The following NCOA1 variants were observed in gnomAD, a reference collection of about 807,000 sequenced individuals.
NCOA1 encodes Hin-2 protein.
NCOA1 carries 35 observed loss-of-function variants against 150.9 expected under a neutral mutation model. That is an observed-to-expected ratio of 0.23 (90% CI 0.18 to 0.31). The LOEUF is 0.31. NCOA1 is among the 10% of genes least tolerant of loss of function. NCOA1 has a pLI of 1.00. For synonymous variants in NCOA1, 590 were observed against 630.0 expected (o/e 0.94, Z 0.95); for missense variants, 1,491 against 1,749.3 (o/e 0.85, Z 2.63).
intron 1 of NCOA1, among the ~76,000 whole-genome samples, chr2:24,564,073 A>G (rs1194174137): frequency 3.9e-5 from 6 of 152,234 alleles, no homozygotes; most frequent in Non-Finnish European, 7.3e-5. Flanking sequence ...AGAGCCAGCA[A>G]CTACCTTTTG....
chr2:24,706,622 C>T lies in NCOA1; in HGVS notation c.1152C>T (p.Pro384=), dbSNP rs1673448089. 11 of 1,614,050 alleles carry T rather than the reference C, an allele frequency of 6.8e-6. No individual in the cohort carries two copies. The highest frequency in any genetic ancestry group is 9.3e-6 in the Non-Finnish European group (11 of 1,179,964). The change falls in exon 13 of 23, where the codon CCC becomes CCT. Residue 384 remains proline, a synonymous_variant. Transcript: ENST00000348332. ...QDDTNSGMSI[P]RVNPSVNPSI... The stretch of plus-strand genomic sequence containing the variant: ...ACACTAATTCTGGAATGTCAATTCC[C>T]CGAGTAAATCCCTCGGTCAATCCTA...
At chr2:24,717,251 G>C (rs1674094720) in intron 14 of NCOA1, among the ~76,000 whole-genome samples, 1 of 152,170 alleles carries the variant, frequency 6.6e-6, no homozygotes, top group Admixed American at 6.5e-5. Flanking sequence ...CACACTCCTT[G>C]ATATTTACCC....
At chr2:24,619,297 G>T (rs1032373219) in intron 3 of NCOA1, among the ~76,000 whole-genome samples, 1 of 152,158 alleles carries the variant, frequency 6.6e-6, no homozygotes, top group African/African-American at 2.4e-5. Flanking sequence ...AAGCTTACAT[G>T]AAACTGAAAA....
intron 1 of NCOA1, among the ~76,000 whole-genome samples, chr2:24,504,244 T>G (rs1254923083): frequency 1.3e-5 from 2 of 152,252 alleles, no homozygotes; most frequent in African/African-American, 4.8e-5. Context: ...ATGTTGCTTA[T>G]GGCATAGTCC....
At chr2:24,500,536 G>T (rs1319440008) in intron 1 of NCOA1, among the ~76,000 whole-genome samples, 1 of 152,146 alleles carries the variant, frequency 6.6e-6, no homozygotes, top group Non-Finnish European at 1.5e-5. Context: ...GGATTTTTAG[G>T]TTTATTATTT....
intron 3 of NCOA1, among the ~76,000 whole-genome samples, chr2:24,606,860 T>C (rs1668392395): frequency 6.6e-6 from 1 of 152,222 alleles, no homozygotes; most frequent in Non-Finnish European, 1.5e-5. Flanking sequence ...GATATATTTT[T>C]ATTTTAATTG....
intron 7 of NCOA1, 137 bp from the exon 8 acceptor site, chr2:24,682,814 G>GA: frequency 4.4e-6 from 2 of 452,144 alleles, no homozygotes; most frequent in Non-Finnish European, 6.7e-6. Context: ...TCTCTCTCCT[G>GA]CGTATCACAA....
At chr2:24,622,298 G>T (rs1669204093) in intron 3 of NCOA1, among the ~76,000 whole-genome samples, 1 of 152,086 alleles carries the variant, frequency 6.6e-6, no homozygotes, top group Non-Finnish European at 1.5e-5. Context: ...ATAATTCTTT[G>T]TTGTGGGGAC....
intron 1 of NCOA1, among the ~76,000 whole-genome samples, chr2:24,502,488 G>A (rs577902947): frequency 7.9e-5 from 12 of 152,006 alleles, no homozygotes; most frequent in Non-Finnish European, 1.2e-4. Context: ...ATTTTGATTC[G>A]GAATGATTAT....
intron 2 of NCOA1, among the ~76,000 whole-genome samples, chr2:24,581,396 G>T (rs1339154516): frequency 6.6e-6 from 1 of 152,252 alleles, no homozygotes; most frequent in African/African-American, 2.4e-5. Flanking sequence ...AGCCGGAGGA[G>T]AGCAGACATC....
At chr2:24,749,044 G>T (rs1191956923) in intron 19 of NCOA1, among the ~76,000 whole-genome samples, 1 of 152,226 alleles carries the variant, frequency 6.6e-6, no homozygotes, top group South Asian at 2.1e-4. Flanking sequence ...AAGAAAGAAA[G>T]AACACAGTGC....
At chr2:24,725,712 TGC>T (rs1290424750) in intron 14 of NCOA1, among the ~76,000 whole-genome samples, 10 of 57,004 alleles carry the variant, frequency 1.8e-4, no homozygotes, top group Non-Finnish European at 4.3e-4. Flanking sequence ...ACCTAAAGTG[TGC>T]GTGTGTGTGT....
chr2:24,663,564 A>G (rs1449020339), intron 5 of NCOA1, among the ~76,000 whole-genome samples: 1 of 152,238 alleles, frequency 6.6e-6, no homozygotes, highest in African/African-American at 2.4e-5. Context: ...AGCATTAGCT[A>G]GAAGGTCTGC....
intron 8 of NCOA1, among the ~76,000 whole-genome samples, chr2:24,687,322 A>T (rs1253799237): frequency 7.2e-5 from 11 of 152,060 alleles, no homozygotes; most frequent in Non-Finnish European, 5.9e-5. Flanking sequence ...CAGGATAAAC[A>T]TTATCTAAGC....
At chr2:24,758,974 G>C (rs747611263) in intron 21 of NCOA1, among the ~76,000 whole-genome samples, 1 of 152,082 alleles carries the variant, frequency 6.6e-6, no homozygotes, top group Non-Finnish European at 1.5e-5. Context: ...GGGCAACAGA[G>C]CAAGACTCCA....
chr2:24,682,549 T>TA (rs1195038706), intron 7 of NCOA1, among the ~76,000 whole-genome samples: 2 of 152,204 alleles, frequency 1.3e-5, no homozygotes, highest in Admixed American at 1.3e-4. Context: ...CTGACTCGCC[T>TA]TGTACCATAT....
At chr2:24,656,916 C>T (rs1309445669) in intron 4 of NCOA1, among the ~76,000 whole-genome samples, 2 of 152,290 alleles carry the variant, frequency 1.3e-5, no homozygotes, top group East Asian at 3.9e-4. Context: ...TGAATACTGC[C>T]ACATAAATAT....
chr2:24,635,972 A>T (rs1669923572), intron 3 of NCOA1, among the ~76,000 whole-genome samples: 1 of 152,202 alleles, frequency 6.6e-6, no homozygotes, highest in African/African-American at 2.4e-5. Flanking sequence ...CTGACATTAA[A>T]CATTCCACCT....
chr2:24,507,473 G>A (rs1479592133), intron 1 of NCOA1, among the ~76,000 whole-genome samples: 5 of 137,756 alleles, frequency 3.6e-5, no homozygotes, highest in African/African-American at 1.3e-4. Flanking sequence ...AAAATAAATA[G>A]TACATACTTA....
Sources: allele counts gnomAD v4.1 joint callset (sites outside exome capture counted in the v4.1 genomes callset), GRCh38; gene constraint gnomAD v4.1.1; transcripts MANE v1.5; gene names NCBI Gene and HGNC (gene_info 2026-07-23, HGNC 2026-07-21).